Variants in NLGN4X observed in about 807,000 individuals in gnomAD.
The protein encoded by NLGN4X is neuroligin 4 X-linked.
NLGN4X carries 3 observed loss-of-function variants against 40.3 expected under a neutral mutation model. The observed-to-expected ratio is 0.07, with a 90% CI of 0.03 to 0.19. NLGN4X has a LOEUF of 0.19. Ranked by LOEUF, NLGN4X falls within the 10% of genes least tolerant of loss-of-function variation. The pLI is 1.00. For missense variants in NLGN4X, 382 were observed against 708.3 expected (o/e 0.54, Z 5.23); for synonymous variants, 270 against 306.8 (o/e 0.88, Z 1.25).
In NLGN4X at chrX:5,960,258, G is replaced by GC. The variant is rs1555929748; in HGVS notation, c.626-51020dup. On this transcript the variant is annotated intron_variant, in intron 3 of 5. Transcript: ENST00000381095. ...GTATAATTAATATGATGCCAATTTT[G>GC]CAAAAAAAAAAAAACACTAAAAAGA... Among the ~76,000 whole-genome samples the GC allele has an allele frequency of 4.3e-4, 13 of 30,210 alleles. No homozygotes were observed. The East Asian group carries it at 0.01, about 24-fold the overall frequency. 26.2% of individuals were successfully genotyped at this position (30,210 alleles called of 115,157 possible).
chrX:5,891,473 C>A lies in NLGN4X; in HGVS notation c.*1344G>T, dbSNP rs1042447282. 3 of 266,824 alleles carry A rather than the reference C, an allele frequency of 1.1e-5. No homozygotes were observed. The Admixed American group carries it at 1.4e-4, about 13-fold the overall frequency. The allele number at this position is 266,824 out of a possible 1,213,427, so 22.0% of individuals were successfully genotyped here. Reference sequence around the variant, plus strand: ...CGAGTGCTTAAACAAAAAGGAAAGACACATGTCTTCCTTCAATCTGATTAG... The same window carrying A: ...CGAGTGCTTAAACAAAAAGGAAAGAAACATGTCTTCCTTCAATCTGATTAG... On this transcript the variant is annotated 3_prime_UTR_variant, in exon 6 of 6. Transcript: ENST00000381095.
intron 2 of NLGN4X, among the ~76,000 whole-genome samples, chrX:6,117,152 T>G (rs1487930280): frequency 9.0e-6 from 1 of 111,044 alleles, no homozygotes; most frequent in East Asian, 2.8e-4. Flanking sequence ...CCAACCCTAC[T>G]CTTTCTCTCT....
chrX:5,921,170 TTAGAC>T, intron 3 of NLGN4X, among the ~76,000 whole-genome samples: 1 of 100,602 alleles, frequency 9.9e-6, no homozygotes, highest in African/African-American at 3.7e-5. Flanking sequence ...TATATATATA[TTAGAC>T]ATGTATATGT....
chrX:6,028,031 G>A lies in NLGN4X; in HGVS notation c.625+1249C>T, dbSNP rs184015355. Among the ~76,000 whole-genome samples the A allele has an allele frequency of 3.8e-3, 422 of 110,123 alleles. 4 individuals are homozygous for A. The highest frequency in any genetic ancestry group is 0.013 in the African/African-American group (405 of 30,342). On this transcript the variant is annotated intron_variant, in intron 3 of 5. Coordinates refer to ENST00000381095, the MANE Select transcript of NLGN4X (RefSeq NM_181332.3). ...AGGGTTTCACCACTTTGGTCAGGCT[G>A]TTTTCTAATTCCTGACCTCAAGTGA...
chrX:6,203,448 A>G (rs1247916096), intron 1 of NLGN4X, among the ~76,000 whole-genome samples: 1 of 112,446 alleles, frequency 8.9e-6, no homozygotes, highest in Non-Finnish European at 1.9e-5. Flanking sequence ...TGATTTGAAC[A>G]ACCAATAGCA....
chrX:6,033,904 C>T (rs1452718823), intron 2 of NLGN4X, among the ~76,000 whole-genome samples: 2 of 112,125 alleles, frequency 1.8e-5, no homozygotes, highest in African/African-American at 6.5e-5. Context: ...ACTTTAACTG[C>T]GTCAATCAAT....
At chrX:6,203,831 A>C (rs1446167133) in intron 1 of NLGN4X, among the ~76,000 whole-genome samples, 1 of 112,838 alleles carries the variant, frequency 8.9e-6, no homozygotes, top group Non-Finnish European at 1.9e-5. Context: ...AAATGTTTGC[A>C]GTTTTAACCT....
intron 2 of NLGN4X, among the ~76,000 whole-genome samples, chrX:6,116,098 CCTGG>C (rs2039274425): frequency 9.3e-6 from 1 of 107,101 alleles, no homozygotes; most frequent in African/African-American, 3.4e-5. Context: ...TGGAGACCAT[CCTGG>C]CTAACACGGT....
chrX:5,994,793 T>C (rs191874859), intron 3 of NLGN4X, among the ~76,000 whole-genome samples: 153 of 112,093 alleles, frequency 1.4e-3, no homozygotes, highest in African/African-American at 4.5e-3. Flanking sequence ...GGCAGAAGGA[T>C]ATTCAATATG....
At chrX:5,928,927 C>T (rs1399055708) in intron 3 of NLGN4X, among the ~76,000 whole-genome samples, 1 of 108,705 alleles carries the variant, frequency 9.2e-6, no homozygotes, top group Admixed American at 9.9e-5. Context: ...TCAAGTGATC[C>T]TCCTGCCTCA....
intron 2 of NLGN4X, among the ~76,000 whole-genome samples, chrX:6,135,045 G>T (rs1395529545): frequency 1.8e-5 from 2 of 112,321 alleles, no homozygotes; most frequent in Non-Finnish European, 3.8e-5. Flanking sequence ...TAACCTTTCA[G>T]TTAGAACTCT....
At position 5,916,845 on chromosome X, in the gene NLGN4X, T is replaced by C. The variant is rs1261175840; in HGVS notation, c.626-7606A>G. Among the ~76,000 whole-genome samples, 3 of 112,327 alleles carry C rather than the reference T, an allele frequency of 2.7e-5. No individual in the cohort carries two copies. In the East Asian group the frequency reaches 8.4e-4, roughly 31 times the overall value. ...ACTATAGGGAATATTCACGTTTTAT[T>C]GCTAATATCTGTTTATATTTAGTTC... is the stretch of plus-strand genomic sequence containing the variant. On this transcript the variant is annotated intron_variant, in intron 3 of 5. Transcript: ENST00000381095.
rs373780559 is a variant in NLGN4X at position 5,923,421 on chromosome X, G to A, written c.626-14182C>T. Among the ~76,000 whole-genome samples, 61 of 112,714 alleles carry A rather than the reference G, an allele frequency of 5.4e-4. 1 individual carries two copies. In the South Asian group the frequency reaches 0.019, roughly 35 times the overall value. ...CTCCCAAAGTGCTAGGATTACAGGC[G>A]TAAGCCACTATATCAGTCCATTTTC... On this transcript the variant is annotated intron_variant, in intron 3 of 5. Coordinates refer to ENST00000381095, the MANE Select transcript of NLGN4X (RefSeq NM_181332.3).
intron 2 of NLGN4X, among the ~76,000 whole-genome samples, chrX:6,070,164 C>T (rs958194993): frequency 3.6e-5 from 4 of 110,173 alleles, no homozygotes; most frequent in Non-Finnish European, 7.6e-5. Context: ...ATTCAAGCTA[C>T]ATTCTTTAAG....
At chrX:5,939,392 C>G (rs1313845360) in intron 3 of NLGN4X, among the ~76,000 whole-genome samples, 2 of 111,587 alleles carry the variant, frequency 1.8e-5, no homozygotes, top group African/African-American at 3.3e-5. Context: ...GATGCACACA[C>G]ACACATACAC....
At chrX:5,899,958 G>A (rs989589164) in intron 5 of NLGN4X, among the ~76,000 whole-genome samples, 3 of 111,917 alleles carry the variant, frequency 2.7e-5, no homozygotes, top group African/African-American at 9.7e-5. Flanking sequence ...AGACCAAGTC[G>A]GTAATACGTT....
At position 6,038,618 on chromosome X, in the gene NLGN4X, GCTT is replaced by G. The variant is rs201072371; in HGVS notation, c.473-9189_473-9187del. 3.5e-3 allele frequency among the ~76,000 whole-genome samples: 392 copies of G among 112,674 alleles called. 1 individual carries two copies. The highest frequency in any genetic ancestry group is 0.01 in the African/African-American group (321 of 31,078). ...AAAGAACTGCCATAGCTGACCTATG[GCTT>G]CTTTTTTCTTTTTCTGAAATCAGAA... is the stretch of plus-strand genomic sequence containing the variant. On this transcript the variant is annotated intron_variant, in intron 2 of 5. Transcript: ENST00000381095.
intron 2 of NLGN4X, among the ~76,000 whole-genome samples, chrX:6,118,026 GTC>G (rs761099752): frequency 1.8e-5 from 2 of 109,734 alleles, no homozygotes; most frequent in African/African-American, 3.3e-5. Flanking sequence ...TCTTCCCCCA[GTC>G]TCTCTCTCTC....
chrX:6,134,555 G>C (rs1211386799), intron 2 of NLGN4X, among the ~76,000 whole-genome samples: 1 of 112,055 alleles, frequency 8.9e-6, no homozygotes, highest in East Asian at 2.8e-4. Context: ...GAAAGTGATG[G>C]AACAACATTT....
Sources: gnomAD v4.1 joint callset for allele counts (sites outside exome capture counted in the v4.1 genomes callset) on GRCh38, gnomAD v4.1.1 for gene constraint, MANE v1.5 for transcripts, NCBI Gene and HGNC (gene_info 2026-07-23, HGNC 2026-07-21) for gene names.